The following ETV6 variants were observed in gnomAD, a reference collection of about 807,000 sequenced individuals.
The protein encoded by ETV6 is ETS variant transcription factor 6.
A neutral mutation model predicts 51.1 loss-of-function variants in ETV6; 16 were observed. The observed-to-expected ratio is 0.31, with a 90% CI of 0.21 to 0.48. The LOEUF (loss-of-function observed/expected upper bound fraction) is 0.48, where lower values mean the gene tolerates loss of function less well. Among genes scored for constraint, ETV6 ranks in the 20% least tolerant of loss-of-function variants. ETV6 has a pLI of 0.99. For missense variants in ETV6, 458 were observed against 594.8 expected (o/e 0.77, Z 2.39); for synonymous variants, 240 against 224.1 (o/e 1.07, Z -0.64).
At chr12:11,876,559 G>A (rs1946987325) in intron 5 of ETV6, among the ~76,000 whole-genome samples, 3 of 152,116 alleles carry the variant, frequency 2.0e-5, no homozygotes, top group Admixed American at 2.0e-4. Flanking sequence ...CTCTTCCTTG[G>A]CCTTAATCCA....
chr12:11,731,199 T>C (rs974611937), intron 1 of ETV6, among the ~76,000 whole-genome samples: 1 of 152,256 alleles, frequency 6.6e-6, no homozygotes, highest in African/African-American at 2.4e-5. Context: ...ATCTTTAGGA[T>C]ACTGTGATGT....
At chr12:11,716,760 T>C (rs1243582272) in intron 1 of ETV6, 2 of 152,222 alleles carry the variant, frequency 1.3e-5, no homozygotes, top group Non-Finnish European at 2.9e-5. Context: ...GAAATAGTCA[T>C]CTGAGCTGCT....
At chr12:11,816,694 C>T (rs370527898) in intron 2 of ETV6, among the ~76,000 whole-genome samples, 3 of 152,188 alleles carry the variant, frequency 2.0e-5, no homozygotes, top group African/African-American at 7.2e-5. Context: ...TTTCCCTCAA[C>T]GTGCCTGCAG....
At chr12:11,844,090 G>A (rs965100149) in intron 3 of ETV6, among the ~76,000 whole-genome samples, 1 of 151,830 alleles carries the variant, frequency 6.6e-6, no homozygotes, top group Non-Finnish European at 1.5e-5. Context: ...TGACTACTTT[G>A]AGACTCTGAG....
At chr12:11,788,101 A>G (rs1488851022) in intron 2 of ETV6, among the ~76,000 whole-genome samples, 3 of 152,216 alleles carry the variant, frequency 2.0e-5, no homozygotes, top group Admixed American at 1.3e-4. Flanking sequence ...ACAAATACCC[A>G]TTAAAAGATT....
chr12:11,731,365 G>A (rs545159196), intron 1 of ETV6, among the ~76,000 whole-genome samples: 87 of 152,236 alleles, frequency 5.7e-4, no homozygotes, highest in Middle Eastern at 6.8e-3. Flanking sequence ...CTGATCAGAT[G>A]GTTTTCTACG....
chr12:11,866,955 T>A (rs527298557), intron 4 of ETV6, among the ~76,000 whole-genome samples: 99 of 152,356 alleles, frequency 6.5e-4, no homozygotes, highest in Non-Finnish European at 1.1e-3. Flanking sequence ...CTCAAGCAAC[T>A]TTCTGTTTAT....
intron 2 of ETV6, among the ~76,000 whole-genome samples, chr12:11,776,065 A>G (rs984298324): frequency 2.0e-5 from 3 of 152,192 alleles, no homozygotes; most frequent in African/African-American, 7.2e-5. Flanking sequence ...CCGGATTTGT[A>G]AGAGTCACCA....
chr12:11,894,488 A>C lies in ETV6; in HGVS notation c.*3442A>C, dbSNP rs1947361549. On this transcript the variant is annotated 3_prime_UTR_variant, in exon 8 of 8. Transcript: ENST00000396373. ...CCAATGTTCCAAATCCTTTAGGGAG[A>C]TGAGGGTATCCCCACAGAAAAAGAG... 1 of 233,130 alleles carries C rather than the reference A, an allele frequency of 4.3e-6. No homozygotes were observed. Among genetic ancestry groups the C allele is most frequent in the Non-Finnish European group, 8.5e-6 (1 of 118,030 alleles). 14.4% of individuals were successfully genotyped at this position (233,130 alleles called of 1,614,324 possible).
chr12:11,752,027 G>A (rs1325706963), intron 1 of ETV6, among the ~76,000 whole-genome samples: 1 of 152,144 alleles, frequency 6.6e-6, no homozygotes, highest in African/African-American at 2.4e-5. Flanking sequence ...TAGAAGCTGG[G>A]GATATTGCTA....
chr12:11,684,118 A>G (rs1286670254), intron 1 of ETV6, among the ~76,000 whole-genome samples: 4 of 152,240 alleles, frequency 2.6e-5, no homozygotes, highest in Non-Finnish European at 5.9e-5. Flanking sequence ...CATGTAAGGA[A>G]TTTCAGGAAC....
intron 1 of ETV6, among the ~76,000 whole-genome samples, chr12:11,745,160 G>A (rs1335024015): frequency 1.3e-5 from 2 of 152,118 alleles, no homozygotes; most frequent in Non-Finnish European, 2.9e-5. Context: ...GTTTTATTTG[G>A]AGCTGTTCTA....
intron 2 of ETV6, among the ~76,000 whole-genome samples, chr12:11,762,000 G>A (rs567255163): frequency 1.3e-5 from 2 of 152,242 alleles, no homozygotes; most frequent in East Asian, 1.9e-4. Context: ...ATTGTCCTTC[G>A]TTTTACCTGT....
At chr12:11,796,766 CTTT>C (rs764589630) in intron 2 of ETV6, among the ~76,000 whole-genome samples, 1 of 143,512 alleles carries the variant, frequency 7.0e-6, no homozygotes, top group East Asian at 2.0e-4. Context: ...TCTTCCTTTT[CTTT>C]TTTTTTTTTT....
intron 3 of ETV6, chr12:11,840,842 C>A: frequency 4.3e-6 from 1 of 232,534 alleles, no homozygotes; most frequent in Non-Finnish European, 8.7e-6. Context: ...ATAAAACAAC[C>A]ATGTAAATAA....
intron 1 of ETV6, among the ~76,000 whole-genome samples, chr12:11,673,134 C>T (rs749284146): frequency 1.3e-5 from 2 of 152,160 alleles, no homozygotes; most frequent in Non-Finnish European, 2.9e-5. Flanking sequence ...CGCAGCGGGC[C>T]ATTTGTGGCT....
rs77614216 is a variant in ETV6 at position 11,836,337 on chromosome 12, C to T, written c.164-2803C>T. Among the ~76,000 whole-genome samples, 1,482 of 152,278 alleles carry T rather than the reference C, an allele frequency of 9.7e-3. 24 individuals are homozygous for T. Among genetic ancestry groups the T allele is most frequent in the African/African-American group, 0.034 (1,400 of 41,534 alleles). On this transcript the variant is annotated intron_variant, in intron 2 of 7. Transcript: ENST00000396373. The stretch of plus-strand genomic sequence containing the variant: ...ACTCTTTATGCTAAAGGAAGAGCAG[C>T]GACGCTGATAAATGTATTGAGTGGC...
chr12:11,844,790 G>C (rs1036661634), intron 3 of ETV6, among the ~76,000 whole-genome samples: 1 of 149,636 alleles, frequency 6.7e-6, no homozygotes, highest in Non-Finnish European at 1.5e-5. Context: ...TCACACATCA[G>C]AGAAATGCTT....
intron 2 of ETV6, among the ~76,000 whole-genome samples, chr12:11,806,139 A>G (rs1235386706): frequency 6.6e-6 from 1 of 152,226 alleles, no homozygotes; most frequent in Non-Finnish European, 1.5e-5. Flanking sequence ...ACAACAGCTT[A>G]TGGGGCCCAA....
Sources: allele counts gnomAD v4.1 joint callset (sites outside exome capture counted in the v4.1 genomes callset), GRCh38; gene constraint gnomAD v4.1.1; transcripts MANE v1.5; gene names NCBI Gene and HGNC (gene_info 2026-07-23, HGNC 2026-07-21).